GATA6: variants seen among roughly 807,000 people sequenced by gnomAD.
GATA6 encodes the protein GATA binding protein 6.
In GATA6, 11 loss-of-function variants were observed where a neutral mutation model predicts 48.1. The ratio of observed to expected loss-of-function variants is 0.23; its 90% CI spans 0.14 to 0.38. GATA6 has a LOEUF of 0.38. GATA6 is among the 10% of genes least tolerant of loss of function. The pLI, the probability that GATA6 is intolerant of heterozygous loss-of-function variation, is 1.00. For missense variants in GATA6, 795 were observed against 850.3 expected, an observed-to-expected ratio of 0.93 and a Z score of 0.81; for synonymous variants, 419 against 396.1, an observed-to-expected ratio of 1.06 and a Z score of -0.69.
At chr18:22,178,055 G>C (rs886709036) in intron 3 of GATA6, among the ~76,000 whole-genome samples, 1 of 143,668 alleles carries the variant, frequency 7.0e-6, no homozygotes, top group Admixed American at 7.4e-5. Context: ...TCCGCCTCCA[G>C]GGTTCAAGCG....
In GATA6 at chr18:22,201,224, G is replaced by C. The variant is rs908957782; in HGVS notation, c.*401G>C. 1 of 235,066 alleles carries C rather than the reference G, an allele frequency of 4.3e-6. No homozygotes were observed. The highest frequency in any genetic ancestry group is 2.2e-5 in the African/African-American group (1 of 44,494). 14.6% of individuals were successfully genotyped at this position (235,066 alleles called of 1,614,324 possible). ...TTTCTTCATACCTTTTCCACATCCA[G>C]ATTTCATGTGCGTTCATGGAGAAGA... is the stretch of plus-strand genomic sequence containing the variant. On this transcript the variant is annotated 3_prime_UTR_variant, in exon 7 of 7. Transcript: ENST00000269216.
chr18:22,182,426 C>T (rs1052456854), intron 4 of GATA6, among the ~76,000 whole-genome samples: 4 of 150,986 alleles, frequency 2.6e-5, no homozygotes, highest in South Asian at 2.1e-4. Flanking sequence ...GGTGCTATCT[C>T]GGCTCACTGC....
rs150305545 is a variant in GATA6 at position 22,194,012 on chromosome 18, A to G, written c.1621-6644A>G. Among the ~76,000 whole-genome samples the G allele has an allele frequency of 7.2e-5, 11 of 151,920 alleles. No individual in the cohort carries two copies. In the East Asian group the frequency reaches 1.9e-3, roughly 27 times the overall value. On this transcript the variant is annotated intron_variant, in intron 6 of 6. Transcript: ENST00000269216. Reference sequence around the variant, plus strand: ...GCATTTGTCTCCATGAGTTGATCCAATCAGAAATCTTTGACTTTTCAGATA... The same window carrying G: ...GCATTTGTCTCCATGAGTTGATCCAGTCAGAAATCTTTGACTTTTCAGATA...
chr18:22,194,679 T>A (rs1196175543), intron 6 of GATA6, among the ~76,000 whole-genome samples: 1 of 152,026 alleles, frequency 6.6e-6, no homozygotes, highest in Non-Finnish European at 1.5e-5. Flanking sequence ...TCCAGGATCA[T>A]AGTATATTTT....
intron 6 of GATA6, among the ~76,000 whole-genome samples, chr18:22,195,691 T>C (rs906997762): frequency 1.3e-5 from 2 of 152,230 alleles, no homozygotes; most frequent in Admixed American, 1.3e-4. Flanking sequence ...CATGGATAAA[T>C]TGCAGTTATG....
intron 6 of GATA6, among the ~76,000 whole-genome samples, chr18:22,196,129 A>G (rs554577517): frequency 2.0e-5 from 3 of 152,212 alleles, no homozygotes; most frequent in African/African-American, 4.8e-5. Flanking sequence ...GCAGTATTTC[A>G]TGTTTAAATA....
At position 22,171,661 on chromosome 18, in the gene GATA6, G is replaced by T; in HGVS notation, c.517G>T (p.Ala173Ser). 1 of 1,522,972 alleles carries T rather than the reference G, an allele frequency of 6.6e-7. No individual in the cohort carries two copies. The highest frequency in any genetic ancestry group is 8.7e-7 in the Non-Finnish European group (1 of 1,145,240). The allele number at this position is 1,522,972 out of a possible 1,614,324, so 94.3% of individuals were successfully genotyped here. A position where few individuals can be genotyped will look rare whatever the true frequency, so the allele number is the denominator to read the frequency against. Residue 173 changes from alanine to serine, a missense_variant, in exon 2 of 7, where the codon GCG becomes TCG. Ala to Ser is a moderately conservative substitution (Grantham distance 99). Coordinates refer to ENST00000269216, the MANE Select transcript of GATA6 (RefSeq NM_005257.6). This position sits in a 1 kb window ranked among gnomAD's most constrained non-coding sequence, Gnocchi z 7.1. Reference sequence around the variant, plus strand: ...CGCGCCCGGCGGCTTCGTGCACTCTGCGGCCGCGGCGGCAGCAGCCGCGGC... The same window carrying T: ...CGCGCCCGGCGGCTTCGTGCACTCTTCGGCCGCGGCGGCAGCAGCCGCGGC... ...DGAPGGFVHS[A>S]AAAAAAAAAA...
Position 22,171,810 on chromosome 18 carries a change from C to T in GATA6, c.666C>T (p.His222=), listed in dbSNP as rs890377104. The T allele has an allele frequency of 1.6e-6, 2 of 1,287,192 alleles. No homozygotes were observed. The highest frequency in any genetic ancestry group is 2.0e-6 in the Non-Finnish European group (2 of 1,024,648). 79.7% of individuals were successfully genotyped at this position (1,287,192 alleles called of 1,614,324 possible). A position where few individuals can be genotyped will look rare whatever the true frequency, so the allele number is the denominator to read the frequency against. Residue 222 remains histidine, a synonymous_variant, in exon 2 of 7, where the codon CAC becomes CAT. Coordinates refer to ENST00000269216, the MANE Select transcript of GATA6 (RefSeq NM_005257.6). The surrounding 1 kb of genome is among the most constrained non-coding windows in gnomAD (Gnocchi z 7.1). The part of the protein sequence containing the change: ...PANHAGGAGA[H]PGWPQASADS... ...ACCACGCGGGCGGCGCGGGCGCGCACCCCGGCTGGCCTCAGGCCTCGGCCG... is the reference window on the plus strand; with the variant it reads ...ACCACGCGGGCGGCGCGGGCGCGCATCCCGGCTGGCCTCAGGCCTCGGCCG...
intron 2 of GATA6, among the ~76,000 whole-genome samples, chr18:22,174,383 G>A (rs1249341095): frequency 6.6e-6 from 1 of 152,176 alleles, no homozygotes; most frequent in East Asian, 1.9e-4. Flanking sequence ...AATCCTTTTA[G>A]AGGCAGTATG....
At chr18:22,182,378 A>G (rs2033209185) in intron 4 of GATA6, among the ~76,000 whole-genome samples, 1 of 144,718 alleles carries the variant, frequency 6.9e-6, no homozygotes, top group South Asian at 2.2e-4. Context: ...TTGTTTTGAG[A>G]TGGAGTCTAA....
chr18:22,170,838 G>A lies in GATA6; in HGVS notation c.-37-270G>A, dbSNP rs1567990445. The A allele has an allele frequency of 6.2e-6, 3 of 485,956 alleles. No homozygotes were observed. Among genetic ancestry groups the A allele is most frequent in the Non-Finnish European group, 1.1e-5 (3 of 271,756 alleles). The allele number at this position is 485,956 out of a possible 1,614,324, so 30.1% of individuals were successfully genotyped here. On this transcript the variant is annotated intron_variant, in intron 1 of 6. Coordinates refer to ENST00000269216, the MANE Select transcript of GATA6 (RefSeq NM_005257.6). The surrounding 1 kb of genome is among the most constrained non-coding windows in gnomAD (Gnocchi z 6.7). The stretch of plus-strand genomic sequence containing the variant: ...TGCGGCCGAGGGGGTGGGCGGGGAG[G>A]ACGCGGGGACCGGAGCGGTGCCTTT...
chr18:22,192,202 A>C (rs1487652106), intron 6 of GATA6, among the ~76,000 whole-genome samples: 1 of 152,226 alleles, frequency 6.6e-6, no homozygotes, highest in Non-Finnish European at 1.5e-5. Context: ...GGTTCTGTAA[A>C]GCCTCTGTTT....
At chr18:22,196,599 G>T (rs1224740508) in intron 6 of GATA6, among the ~76,000 whole-genome samples, 1 of 151,996 alleles carries the variant, frequency 6.6e-6, no homozygotes, top group Non-Finnish European at 1.5e-5. Flanking sequence ...AAATTAGCTG[G>T]GCATGGTGGC....
In GATA6 at chr18:22,182,830, C is replaced by T. The variant is rs1288955434; in HGVS notation, c.1502C>T (p.Ser501Leu). ...CGAAAACCTAAGAACATAAATAAATCAAAGACTTGCTCTGGTAAATATACT... is the reference window on the plus strand; with the variant it reads ...CGAAAACCTAAGAACATAAATAAATTAAAGACTTGCTCTGGTAAATATACT... ...RKRKPKNINK[S>L]KTCSGNSNNS... Residue 501 changes from serine (S) to leucine (L), a missense_variant, in exon 5 of 7, where the codon TCA becomes TTA. Transcript: ENST00000269216. 3 of 1,613,224 alleles carry T rather than the reference C, an allele frequency of 1.9e-6. No individual in the cohort carries two copies.
intron 6 of GATA6, among the ~76,000 whole-genome samples, chr18:22,197,529 A>G (rs926882371): frequency 3.3e-5 from 5 of 152,140 alleles, no homozygotes; most frequent in Non-Finnish European, 5.9e-5. Flanking sequence ...TTTCTTCTGA[A>G]CAGGCCAGGT....
intron 6 of GATA6, among the ~76,000 whole-genome samples, chr18:22,194,642 CGT>C (rs1399062797): frequency 1.3e-5 from 2 of 152,060 alleles, no homozygotes; most frequent in African/African-American, 4.8e-5. Context: ...GAAATTTATA[CGT>C]GTGTTTGTAT....
Position 22,172,829 on chromosome 18 carries a change from T to C in GATA6, c.1135+550T>C, listed in dbSNP as rs559655607. ...TTTAGAAGAGCACAACAGAAGAACC[T>C]AGATGTTCCTAGGGAAGCTAGTTGG... is the stretch of plus-strand genomic sequence containing the variant. On this transcript the variant is annotated intron_variant, in intron 2 of 6. Coordinates refer to ENST00000269216, the MANE Select transcript of GATA6 (RefSeq NM_005257.6). This position sits in a 1 kb window ranked among gnomAD's most constrained non-coding sequence, Gnocchi z 5.2. Among the ~76,000 whole-genome samples the C allele has an allele frequency of 1.2e-4, 19 of 152,286 alleles. 1 individual carries two copies. In the South Asian group the frequency reaches 3.9e-3, roughly 32 times the overall value.
intron 6 of GATA6, among the ~76,000 whole-genome samples, chr18:22,194,286 A>G (rs1407562678): frequency 6.6e-6 from 1 of 152,184 alleles, no homozygotes; most frequent in Non-Finnish European, 1.5e-5. Context: ...GGCCCTGATA[A>G]CACATTCTTT....
intron 6 of GATA6, 165 bp from the exon 7 acceptor site, chr18:22,200,491 A>T: frequency 1.2e-6 from 1 of 836,542 alleles, no homozygotes; most frequent in Non-Finnish European, 2.0e-6. Context: ...TGCTGGGGGC[A>T]GGGGATAGTA....
Sources: gnomAD v4.1 joint callset for allele counts (sites outside exome capture counted in the v4.1 genomes callset) on GRCh38, gnomAD v4.1.1 for gene constraint, Gnocchi (gnomAD v3.1) non-coding constraint, MANE v1.5 for transcripts, NCBI Gene and HGNC (gene_info 2026-07-23, HGNC 2026-07-21) for gene names.